The following CCDC170 variants were observed in gnomAD, a reference collection of about 807,000 sequenced individuals.
The protein encoded by CCDC170 is coiled-coil domain containing 170, also known as coiled-coil domain-containing protein 170.
In CCDC170, 69 loss-of-function variants were observed where a neutral mutation model predicts 72.6. That is an observed-to-expected ratio of 0.95 (90% CI 0.78 to 1.16). CCDC170 has a LOEUF of 1.16. CCDC170 is among the 50% of genes most tolerant of loss of function. CCDC170 has a pLI of 0.00. For synonymous variants in CCDC170, 300 were observed against 303.9 expected, an observed-to-expected ratio of 0.99 and a Z score of 0.13; for missense variants, 852 against 832.5, an observed-to-expected ratio of 1.02 and a Z score of -0.29.
At chr6:151,521,691 C>T (rs951296860) in intron 1 of CCDC170, among the ~76,000 whole-genome samples, 6 of 152,082 alleles carry the variant, frequency 3.9e-5, no homozygotes, top group African/African-American at 7.2e-5. Context: ...TTAGTTTAAG[C>T]GTAAGTTTCG....
rs1776925337 is a variant in CCDC170, at chr6:151,614,464, T to A, written c.1711-979T>A. Among the ~76,000 whole-genome samples, 4 of 152,104 alleles carry A rather than the reference T, an allele frequency of 2.6e-5. 1 individual carries two copies. The South Asian group carries it at 8.3e-4, about 32-fold the overall frequency. On this transcript the variant is annotated intron_variant, in intron 9 of 10. Transcript: ENST00000239374. Reference sequence around the variant, plus strand: ...TATGTGTCAGAATTTCATTCATTTTTTTTTTCTTGAGACTGAGTCTCGCTC... The same window carrying A: ...TATGTGTCAGAATTTCATTCATTTTATTTTTCTTGAGACTGAGTCTCGCTC...
intron 6 of CCDC170, among the ~76,000 whole-genome samples, chr6:151,583,364 G>T (rs573377375): frequency 1.3e-5 from 2 of 152,038 alleles, no homozygotes; most frequent in Non-Finnish European, 2.9e-5. Context: ...GGAGTAAGAG[G>T]CCCAATTTTT....
chr6:151,567,123 T>A (rs1034085492), intron 5 of CCDC170, among the ~76,000 whole-genome samples: 2 of 152,154 alleles, frequency 1.3e-5, no homozygotes, highest in Admixed American at 6.5e-5. Context: ...TTCTCCATGT[T>A]GGTCAGGCTG....
chr6:151,587,210 C>G (rs1776464725), intron 7 of CCDC170, among the ~76,000 whole-genome samples: 1 of 152,018 alleles, frequency 6.6e-6, no homozygotes, highest in Non-Finnish European at 1.5e-5. Flanking sequence ...AGAGAAGGAG[C>G]CCGCACTGAG....
intron 5 of CCDC170, among the ~76,000 whole-genome samples, chr6:151,569,087 TG>T (rs141870104): frequency 0.018 from 2,811 of 152,314 alleles, 98 homozygotes; most frequent in African/African-American, 0.064. Flanking sequence ...TGAGTTTTTT[TG>T]TTAATCATAA....
chr6:151,541,886 A>ATT (rs547158203), intron 3 of CCDC170, among the ~76,000 whole-genome samples: 52 of 137,152 alleles, frequency 3.8e-4, no homozygotes, highest in Non-Finnish European at 4.9e-4. Context: ...ATATATATAT[A>ATT]TTTTTTTTTT....
chr6:151,539,459 T>C (rs1782647024), intron 3 of CCDC170, among the ~76,000 whole-genome samples: 1 of 152,174 alleles, frequency 6.6e-6, no homozygotes, highest in Admixed American at 6.5e-5. Context: ...TTCTCTTGGC[T>C]TCCAGGACTT....
At chr6:151,593,073 C>A in intron 7 of CCDC170, 34 bp from the exon 8 acceptor site, 2 of 1,608,602 alleles carry the variant, frequency 1.2e-6, no homozygotes, top group Non-Finnish European at 1.7e-6. Flanking sequence ...CTTTGACTTT[C>A]ATGTCCCATT....
chr6:151,555,620 G>A (rs1261990984), intron 5 of CCDC170, among the ~76,000 whole-genome samples: 1 of 152,196 alleles, frequency 6.6e-6, no homozygotes, highest in Non-Finnish European at 1.5e-5. Flanking sequence ...TGTATAAGGA[G>A]GTCCGTCTCA....
chr6:151,545,641 G>A (rs1438610062), intron 4 of CCDC170, among the ~76,000 whole-genome samples: 1 of 151,164 alleles, frequency 6.6e-6, no homozygotes, highest in Non-Finnish European at 1.5e-5. Flanking sequence ...TTGTTTGTTT[G>A]TTTTAAATTT....
At chr6:151,527,492 A>T (rs549242954) in intron 1 of CCDC170, among the ~76,000 whole-genome samples, 1 of 152,344 alleles carries the variant, frequency 6.6e-6, no homozygotes, top group African/African-American at 2.4e-5. Context: ...AGAATTGGCA[A>T]ATAGTCAAAA....
chr6:151,573,652 A>T (rs964422666), intron 6 of CCDC170, among the ~76,000 whole-genome samples, 161 bp downstream of exon 6: 1 of 152,242 alleles, frequency 6.6e-6, no homozygotes, highest in Non-Finnish European at 1.5e-5. Context: ...ACAGTTCCAC[A>T]TGGCTGGGGA....
chr6:151,551,507 T>A (rs1562279612), intron 5 of CCDC170, among the ~76,000 whole-genome samples: 1 of 152,238 alleles, frequency 6.6e-6, no homozygotes, highest in Non-Finnish European at 1.5e-5. Flanking sequence ...GATATTAGGT[T>A]ATAAAAAGGC....
chr6:151,594,151 A>C (rs1776586400), intron 8 of CCDC170, among the ~76,000 whole-genome samples: 1 of 152,258 alleles, frequency 6.6e-6, no homozygotes, highest in Non-Finnish European at 1.5e-5. Context: ...TGGGGAAAGA[A>C]ATAGGAAAAC....
At chr6:151,546,053 C>T (rs945396482) in intron 4 of CCDC170, among the ~76,000 whole-genome samples, 10 of 152,146 alleles carry the variant, frequency 6.6e-5, no homozygotes, top group African/African-American at 2.4e-4. Flanking sequence ...GCTGGGATTA[C>T]AGGCGTGAGC....
intron 9 of CCDC170, among the ~76,000 whole-genome samples, chr6:151,610,083 C>T (rs1437960732): frequency 6.6e-6 from 1 of 152,108 alleles, no homozygotes; most frequent in Admixed American, 6.6e-5. Context: ...TTACCATTTG[C>T]CACATATTTT....
At chr6:151,496,597 G>T (rs922228034) in intron 1 of CCDC170, among the ~76,000 whole-genome samples, 1 of 152,134 alleles carries the variant, frequency 6.6e-6, no homozygotes, top group African/African-American at 2.4e-5. Context: ...ATGGAGCAGG[G>T]ACTTGTATCT....
intron 8 of CCDC170, among the ~76,000 whole-genome samples, chr6:151,595,966 A>C (rs1776615245): frequency 6.6e-6 from 1 of 152,286 alleles, no homozygotes; most frequent in African/African-American, 2.4e-5. Context: ...TGTGGCCGTT[A>C]GATGTTGGAC....
At chr6:151,517,501 C>T (rs569850349) in intron 1 of CCDC170, among the ~76,000 whole-genome samples, 113 of 149,856 alleles carry the variant, frequency 7.5e-4, no homozygotes, top group South Asian at 6.1e-3. Context: ...GGCACAATCT[C>T]GGCTCACTGC....
Sources: gnomAD v4.1 joint callset for allele counts (sites outside exome capture counted in the v4.1 genomes callset) on GRCh38, gnomAD v4.1.1 for gene constraint, MANE v1.5 for transcripts, NCBI Gene and HGNC (gene_info 2026-07-23, HGNC 2026-07-21) for gene names.